The following TMEM182 variants were observed in gnomAD, a reference collection of about 807,000 sequenced individuals.
The protein encoded by TMEM182 is transmembrane protein 182.
TMEM182 carries 20 observed loss-of-function variants against 26.8 expected under a neutral mutation model. The ratio of observed to expected loss-of-function variants is 0.75; its 90% confidence interval spans 0.53 to 1.09. TMEM182 has a LOEUF of 1.09. Ranked by LOEUF, TMEM182 falls within the 50% of genes least tolerant of loss-of-function variation. TMEM182 has a pLI of 0.00. For synonymous variants in TMEM182, 109 were observed against 102.2 expected, an observed-to-expected ratio of 1.07 and a Z score of -0.40; for missense variants, 277 against 275.5, an observed-to-expected ratio of 1.01 and a Z score of -0.04.
At chr2:102,789,496 G>C (rs1681543855) in intron 3 of TMEM182, among the ~76,000 whole-genome samples, 2 of 152,156 alleles carry the variant, frequency 1.3e-5, no homozygotes, top group African/African-American at 2.4e-5. Context: ...AAAACCCGTA[G>C]AGACGCTCTT....
intron 3 of TMEM182, among the ~76,000 whole-genome samples, chr2:102,829,203 G>A (rs1007288558): frequency 7.2e-5 from 11 of 152,182 alleles, no homozygotes; most frequent in African/African-American, 2.7e-4. Flanking sequence ...TATTTCGACA[G>A]TGATGGGCTA....
At chr2:102,832,974 G>C (rs973691768) in intron 3 of TMEM182, among the ~76,000 whole-genome samples, 1 of 152,158 alleles carries the variant, frequency 6.6e-6, no homozygotes, top group Admixed American at 6.5e-5. Context: ...ATGTCTGTGA[G>C]TCTTTGAAAT....
chr2:102,789,752 C>T (rs1681555323), intron 3 of TMEM182, among the ~76,000 whole-genome samples: 2 of 152,162 alleles, frequency 1.3e-5, no homozygotes, highest in South Asian at 2.1e-4. Context: ...TTGAGTACCC[C>T]CTGACACCCA....
At chr2:102,758,009 G>T (rs529488983), upstream of TMEM182, among the ~76,000 whole-genome samples, 3 of 152,218 alleles carry the variant, frequency 2.0e-5, no homozygotes, top group African/African-American at 7.2e-5. Context: ...CTCCCACCAG[G>T]TCCCTCTTCC....
At chr2:102,817,777 G>GT, downstream of TMEM182, 1 of 903,346 alleles carries the variant, frequency 1.1e-6, no homozygotes, top group Non-Finnish European at 1.3e-6. Context: ...GTGTGCATGT[G>GT]TATTATATGT....
At chr2:102,826,473 C>T (rs193280287) in intron 3 of TMEM182, among the ~76,000 whole-genome samples, 2 of 152,106 alleles carry the variant, frequency 1.3e-5, no homozygotes, top group Admixed American at 6.5e-5. Context: ...GTTCCAATGC[C>T]TCAGTCTCCT....
chr2:102,747,430 A>G (rs1367619674), intron 1 of TMEM182, among the ~76,000 whole-genome samples: 1 of 152,216 alleles, frequency 6.6e-6, no homozygotes, highest in Non-Finnish European at 1.5e-5. Context: ...AGGCATGATC[A>G]CTATCTCAAT....
chr2:102,762,230 A>G lies in TMEM182; in HGVS notation c.13A>G (p.Ile5Val). MRLN[I>V]AIFFGALFGA... ...CAGTGAATTGAAAATGAGACTAAAT[A>G]TCGCTATCTTCTTTGGAGCTCTCTT... Residue 5 changes from isoleucine to valine, a missense_variant, in exon 1 of 5, where the codon ATC (isoleucine) becomes GTC (valine). Coordinates refer to ENST00000412401, the MANE Select transcript of TMEM182 (RefSeq NM_144632.5). 2 of 1,612,804 alleles carry G rather than the reference A, an allele frequency of 1.2e-6. No homozygotes were observed. Among genetic ancestry groups the G allele is most frequent in the Non-Finnish European group, 1.7e-6 (2 of 1,179,392 alleles).
At chr2:102,818,279 G>T (rs1490285028), downstream of TMEM182, among the ~76,000 whole-genome samples, 1 of 152,160 alleles carries the variant, frequency 6.6e-6, no homozygotes, top group Admixed American at 6.5e-5. Flanking sequence ...TCAAGGGTAG[G>T]TGGGGAAATT....
chr2:102,833,337 C>T lies in TMEM182; in HGVS notation c.326-10075C>T, dbSNP rs190229592. 2.8e-4 allele frequency among the ~76,000 whole-genome samples: 42 copies of T among 152,322 alleles called. No individual in the cohort carries two copies. The East Asian group carries it at 7.5e-3, about 27-fold the overall frequency. On this transcript the variant is annotated intron_variant, in intron 3 of 3. Transcript: ENST00000486293. The stretch of plus-strand genomic sequence containing the variant: ...TTTAGACAACTTAGATATCATCCCC[C>T]TCCCATCACCAGATCCAATTGCAGT...
intron 3 of TMEM182, among the ~76,000 whole-genome samples, chr2:102,784,485 G>C (rs1213270248): frequency 1.3e-5 from 2 of 152,182 alleles, no homozygotes; most frequent in African/African-American, 4.8e-5. Context: ...TGTTAAGTTA[G>C]TCAGTGATTT....
intron 1 of TMEM182, among the ~76,000 whole-genome samples, chr2:102,754,299 TGGG>T (rs1025081282): frequency 2.0e-5 from 3 of 152,176 alleles, no homozygotes; most frequent in Non-Finnish European, 4.4e-5. Flanking sequence ...TCGTGGAACC[TGGG>T]GAACCTTGAA....
chr2:102,742,410 A>G (rs987052735), intron 1 of TMEM182, among the ~76,000 whole-genome samples: 7 of 152,188 alleles, frequency 4.6e-5, no homozygotes, highest in Non-Finnish European at 1.0e-4. Context: ...CAAGAGGTAT[A>G]AGATACCATT....
chr2:102,763,675 A>G (rs1048528669), intron 2 of TMEM182, among the ~76,000 whole-genome samples: 2 of 152,194 alleles, frequency 1.3e-5, no homozygotes, highest in Non-Finnish European at 2.9e-5. Context: ...GAAATGGTTT[A>G]GACTTTAGTA....
rs1682759602 is a variant in TMEM182 at position 102,816,544 on chromosome 2, A to AATG, written c.*1578_*1579insGAT. ...TAATAATAATAATAATAATAATAAT[A>AATG]ATAAAGCTCCAGAGGCCTAACTGGT... On this transcript the variant is annotated 3_prime_UTR_variant, in exon 5 of 5. Coordinates refer to ENST00000412401, the MANE Select transcript of TMEM182 (RefSeq NM_144632.5). 30 of 970,886 alleles carry AATG rather than the reference A, an allele frequency of 3.1e-5. No individual in the cohort carries two copies. Among genetic ancestry groups the AATG allele is most frequent in the Admixed American group, 6.2e-5 (1 of 16,042 alleles). 60.1% of individuals were successfully genotyped at this position (970,886 alleles called of 1,614,324 possible). A position where few individuals can be genotyped will look rare whatever the true frequency, so the allele number is the denominator to read the frequency against.
chr2:102,744,577 G>A (rs989674074), intron 1 of TMEM182, among the ~76,000 whole-genome samples: 3 of 151,952 alleles, frequency 2.0e-5, no homozygotes, highest in Non-Finnish European at 2.9e-5. Context: ...TTCTTTTAGC[G>A]TTTCTTATAG....
At chr2:102,758,463 C>T (rs1680111163), upstream of TMEM182, 2 of 716,930 alleles carry the variant, frequency 2.8e-6, no homozygotes, top group African/African-American at 3.5e-5. Flanking sequence ...ACACCTTTTA[C>T]CTCCTCCATG....
At chr2:102,756,258 T>G (rs1680029310) in intron 1 of TMEM182, among the ~76,000 whole-genome samples, 1 of 152,218 alleles carries the variant, frequency 6.6e-6, no homozygotes, top group African/African-American at 2.4e-5. Flanking sequence ...TAATTTTGTT[T>G]TATTATTTGT....
chr2:102,837,135 T>C (rs753622175), intron 3 of TMEM182, among the ~76,000 whole-genome samples: 1 of 152,208 alleles, frequency 6.6e-6, no homozygotes, highest in Non-Finnish European at 1.5e-5. Context: ...CTGTGGTGTT[T>C]CTAATTTCTT....
Sources: allele counts gnomAD v4.1 joint callset (sites outside exome capture counted in the v4.1 genomes callset), GRCh38; gene constraint gnomAD v4.1.1; transcripts MANE v1.5; gene names NCBI Gene and HGNC (gene_info 2026-07-23, HGNC 2026-07-21).